The following IGF1R variants were observed in gnomAD, a reference collection of about 807,000 sequenced individuals.
The protein encoded by IGF1R is insulin-like growth factor 1 receptor.
A neutral mutation model predicts 144.6 loss-of-function variants in IGF1R; 44 were observed. That is an observed-to-expected ratio of 0.30 (90% CI 0.24 to 0.39). The LOEUF is 0.39. Ranked by LOEUF, IGF1R falls within the 10% of genes least tolerant of loss-of-function variation. The pLI, the probability that IGF1R is intolerant of heterozygous loss-of-function variation, is 1.00. For missense variants in IGF1R, 1,355 were observed against 1,833.7 expected, an observed-to-expected ratio of 0.74 and a Z score of 4.77; for synonymous variants, 795 against 722.8, an observed-to-expected ratio of 1.10 and a Z score of -1.60.
chr15:98,716,298 G>A (rs886979136), intron 2 of IGF1R, among the ~76,000 whole-genome samples: 4 of 152,132 alleles, frequency 2.6e-5, no homozygotes, highest in Non-Finnish European at 4.4e-5. Flanking sequence ...CTGTGTGTTC[G>A]TGTTGCTTGG....
At chr15:98,746,474 G>T (rs1299387367) in intron 2 of IGF1R, among the ~76,000 whole-genome samples, 1 of 152,150 alleles carries the variant, frequency 6.6e-6, no homozygotes, top group Non-Finnish European at 1.5e-5. Context: ...TCTTTTTAGT[G>T]TAACTTAGCA....
chr15:98,954,863 C>G (rs1050961181), intron 20 of IGF1R, among the ~76,000 whole-genome samples: 4 of 152,174 alleles, frequency 2.6e-5, no homozygotes, highest in Non-Finnish European at 5.9e-5. Flanking sequence ...CAGCTTTTAT[C>G]AATGCAAACC....
chr15:98,876,492 G>A (rs59102416), intron 2 of IGF1R, among the ~76,000 whole-genome samples: 2,654 of 152,190 alleles, frequency 0.017, 87 homozygotes, highest in African/African-American at 0.061. Context: ...GGCAAGGCTG[G>A]TATACTTGTA....
rs567453960 is a variant in IGF1R at position 98,675,157 on chromosome 15, T to G, written c.94+25482T>G. 1.1e-4 allele frequency among the ~76,000 whole-genome samples: 17 copies of G among 151,978 alleles called. 1 individual carries two copies. The South Asian group carries it at 3.3e-3, about 30-fold the overall frequency. On this transcript the variant is annotated intron_variant, in intron 1 of 20. Transcript: ENST00000650285. ...GTGCATGCCACCATGCCTGGCAAAT[T>G]TTTGTATTTTTAGTAGAAACGGGGT...
chr15:98,719,708 T>G (rs1013167791), intron 2 of IGF1R, among the ~76,000 whole-genome samples: 4 of 152,188 alleles, frequency 2.6e-5, no homozygotes, highest in African/African-American at 9.6e-5. Flanking sequence ...CTGCTCATTG[T>G]GATGCAGGGC....
At chr15:98,715,515 C>G (rs1030882380) in intron 2 of IGF1R, among the ~76,000 whole-genome samples, 10 of 152,200 alleles carry the variant, frequency 6.6e-5, no homozygotes, top group African/African-American at 2.2e-4. Context: ...TGAAAAGCCT[C>G]TTTCTTTGTT....
intron 6 of IGF1R, among the ~76,000 whole-genome samples, chr15:98,910,386 T>TA (rs1306694038): frequency 6.6e-6 from 1 of 152,228 alleles, no homozygotes; most frequent in Non-Finnish European, 1.5e-5. Context: ...CCTCTCTAAA[T>TA]AACACTTCAG....
intron 4 of IGF1R, among the ~76,000 whole-genome samples, chr15:98,898,249 T>G (rs1023494610): frequency 6.6e-6 from 1 of 152,252 alleles, no homozygotes; most frequent in Non-Finnish European, 1.5e-5. Context: ...ACCTTTTGAG[T>G]GCCTAAACTT....
chr15:98,736,045 A>G (rs976743786), intron 2 of IGF1R, among the ~76,000 whole-genome samples: 2 of 152,248 alleles, frequency 1.3e-5, no homozygotes, highest in African/African-American at 4.8e-5. Flanking sequence ...GATTACAAGT[A>G]GTTATGCATC....
Position 98,812,543 on chromosome 15 carries a change from A to AGAT in IGF1R, c.641-78780_641-78778dup, listed in dbSNP as rs547189799. Among the ~76,000 whole-genome samples, 994 of 151,938 alleles carry AGAT rather than the reference A, an allele frequency of 6.5e-3. 9 individuals are homozygous for AGAT. Among genetic ancestry groups the AGAT allele is most frequent in the African/African-American group, 0.023 (950 of 41,388 alleles). The stretch of plus-strand genomic sequence containing the variant: ...GGCTAATTTTTTTAATTTTTAGTAG[A>AGAT]GATGGGGTTTTGCCATATTGGCCAG... On this transcript the variant is annotated intron_variant, in intron 2 of 20. Transcript: ENST00000650285.
At chr15:98,666,803 A>G (rs2052752986) in intron 1 of IGF1R, among the ~76,000 whole-genome samples, 1 of 152,144 alleles carries the variant, frequency 6.6e-6, no homozygotes. Flanking sequence ...GAACATGTAA[A>G]AGTTCTAGAG....
rs575403341 is a variant in IGF1R, at chr15:98,777,831, A to C, written c.640+69724A>C. The stretch of plus-strand genomic sequence containing the variant: ...TGGGAGCAGCTGCATGACTTTTCAG[A>C]GAAGTGGCACACGTTTACTGTAAGG... On this transcript the variant is annotated intron_variant, in intron 2 of 20. Transcript: ENST00000650285. Among the ~76,000 whole-genome samples, 19 of 152,330 alleles carry C rather than the reference A, an allele frequency of 1.2e-4. No homozygotes were observed. In the South Asian group the frequency reaches 2.9e-3, roughly 23 times the overall value.
At chr15:98,765,056 TTA>T (rs2055401148) in intron 2 of IGF1R, among the ~76,000 whole-genome samples, 1 of 152,192 alleles carries the variant, frequency 6.6e-6, no homozygotes, top group African/African-American at 2.4e-5. Flanking sequence ...ATAAATGCAG[TTA>T]TATAATATGT....
intron 1 of IGF1R, among the ~76,000 whole-genome samples, chr15:98,685,043 A>G (rs2053291753): frequency 6.6e-6 from 1 of 150,882 alleles, no homozygotes; most frequent in Non-Finnish European, 1.5e-5. Context: ...CCCAGGCTCA[A>G]GGGATCCTCC....
intron 2 of IGF1R, among the ~76,000 whole-genome samples, chr15:98,748,020 A>G (rs2054912364): frequency 6.6e-6 from 1 of 152,140 alleles, no homozygotes; most frequent in South Asian, 2.1e-4. Context: ...TAAAGAGATA[A>G]ATTACCTTTT....
rs910090148 is a variant in IGF1R at position 98,651,056 on chromosome 15, G to C, written c.94+1381G>C. 13 of 985,316 alleles carry C rather than the reference G, an allele frequency of 1.3e-5. No individual in the cohort carries two copies. The African/African-American group carries it at 2.3e-4, about 17-fold the overall frequency. 61.0% of individuals were successfully genotyped at this position (985,316 alleles called of 1,614,324 possible). A position where few individuals can be genotyped will look rare whatever the true frequency, so the allele number is the denominator to read the frequency against. On this transcript the variant is annotated intron_variant, in intron 1 of 20. Transcript: ENST00000650285. ...TAAAAGTTTAAATGTCGCAGAACTG[G>C]GACTGGGAACGGTGAGGGCGTGTTG...
At chr15:98,762,238 C>CTTT (rs5814898) in intron 2 of IGF1R, among the ~76,000 whole-genome samples, 6 of 95,820 alleles carry the variant, frequency 6.3e-5, no homozygotes, top group South Asian at 3.6e-4. Flanking sequence ...CTTTTCTTTT[C>CTTT]TTTTTTTTTT....
chr15:98,706,768 C>T (rs1004558040), intron 1 of IGF1R, among the ~76,000 whole-genome samples: 1 of 151,082 alleles, frequency 6.6e-6, no homozygotes, highest in East Asian at 1.9e-4. Context: ...GGATAATTGG[C>T]ATAGATAGTG....
chr15:98,900,551 A>G (rs1832817609), intron 5 of IGF1R: 1 of 152,286 alleles, frequency 6.6e-6, no homozygotes, highest in African/African-American at 2.4e-5. Context: ...ACTCTTGGTC[A>G]GTCTTAAATT....
Sources: allele counts gnomAD v4.1 joint callset (sites outside exome capture counted in the v4.1 genomes callset), GRCh38; gene constraint gnomAD v4.1.1; transcripts MANE v1.5; gene names NCBI Gene and HGNC (gene_info 2026-07-23, HGNC 2026-07-21).